The following NBAS variants were observed in gnomAD, a reference collection of about 807,000 sequenced individuals.
NBAS encodes the protein NBAS subunit of NRZ tethering complex.
In NBAS, 219 loss-of-function variants were observed where a neutral mutation model predicts 302.5. That is an observed-to-expected ratio of 0.72 (90% CI 0.65 to 0.81). The LOEUF (loss-of-function observed/expected upper bound fraction) is 0.81, where lower values mean the gene tolerates loss of function less well. Among genes scored for constraint, NBAS ranks in the 30% least tolerant of loss-of-function variants. NBAS has a pLI of 0.00. For synonymous variants in NBAS, 1,118 were observed against 1,021.6 expected (o/e 1.09, Z -1.80); for missense variants, 2,932 against 2,841.6 (o/e 1.03, Z -0.72).
chr2:15,035,609 A>T, the NBAS span, among the ~76,000 whole-genome samples: 2 of 152,192 alleles, frequency 1.3e-5, no homozygotes, highest in Non-Finnish European at 2.9e-5. Flanking sequence ...TCAATGAGAG[A>T]CCGGATAAAG....
the NBAS span, among the ~76,000 whole-genome samples, chr2:15,148,704 G>T: frequency 6.6e-6 from 1 of 152,126 alleles, no homozygotes; most frequent in Non-Finnish European, 1.5e-5. Context: ...TTAAAAAATT[G>T]AGCATTAATT....
At chr2:15,293,878 G>A (rs1407637380) in intron 40 of NBAS, among the ~76,000 whole-genome samples, 3 of 149,094 alleles carry the variant, frequency 2.0e-5, no homozygotes, top group Non-Finnish European at 4.4e-5. Context: ...ATTCTGGCAT[G>A]TGGATTTGAG....
chr2:14,978,971 A>G, the NBAS span, among the ~76,000 whole-genome samples: 8 of 152,132 alleles, frequency 5.3e-5, no homozygotes, highest in Non-Finnish European at 8.8e-5. Context: ...GTTTCACTGG[A>G]GGTGCATGGA....
intron 25 of NBAS, 65 bp downstream of exon 25, chr2:15,415,481 T>G: frequency 7.2e-7 from 1 of 1,397,450 alleles, no homozygotes; most frequent in Non-Finnish European, 1.0e-6. Flanking sequence ...AAAAATTGTA[T>G]AAATAAAACC....
intron 21 of NBAS, 143 bp downstream of exon 21, chr2:15,461,058 T>C (rs1166385938): frequency 1.9e-5 from 15 of 798,584 alleles, no homozygotes; most frequent in Admixed American, 2.8e-5. Flanking sequence ...TCAGGACCAT[T>C]TACAATAACT....
At chr2:15,479,697 C>T (rs371766729) in intron 12 of NBAS, among the ~76,000 whole-genome samples, 1 of 152,164 alleles carries the variant, frequency 6.6e-6, no homozygotes, top group African/African-American at 2.4e-5. Flanking sequence ...TAAGAAGGAG[C>T]ACCACGAATA....
In NBAS at chr2:15,453,167, T is replaced by C. The variant is rs115379795; in HGVS notation, c.2339+8034A>G. On this transcript the variant is annotated intron_variant, in intron 21 of 51. Transcript: ENST00000281513. ...TGGAAAACTTCTGGAGACCCTGAATTTCCTGTTGCACCATCAAGTGGGGCA... is the reference window on the plus strand; with the variant it reads ...TGGAAAACTTCTGGAGACCCTGAATCTCCTGTTGCACCATCAAGTGGGGCA... Among the ~76,000 whole-genome samples, 756 of 152,250 alleles carry C rather than the reference T, an allele frequency of 5.0e-3. 8 individuals are homozygous for C. Among genetic ancestry groups the C allele is most frequent in the African/African-American group, 0.018 (735 of 41,540 alleles).
At chr2:15,536,294 C>T in intron 8 of NBAS, 124 bp downstream of exon 8, 1 of 1,129,954 alleles carries the variant, frequency 8.8e-7, no homozygotes, top group Non-Finnish European at 1.3e-6. Context: ...CTTTCAAATT[C>T]CCTATTATAT....
the NBAS span, among the ~76,000 whole-genome samples, chr2:14,881,911 T>C: frequency 6.6e-6 from 1 of 152,102 alleles, no homozygotes; most frequent in African/African-American, 2.4e-5. Context: ...CCTGCCAAAA[T>C]GTCTTGTGGC....
chr2:15,526,590 T>C (rs991195229), intron 9 of NBAS, among the ~76,000 whole-genome samples: 1 of 151,994 alleles, frequency 6.6e-6, no homozygotes, highest in East Asian at 1.9e-4. Flanking sequence ...ATGGAAAATA[T>C]AAACAACCTA....
At chr2:15,273,507 G>T (rs1000692990) in intron 44 of NBAS, among the ~76,000 whole-genome samples, 2 of 152,190 alleles carry the variant, frequency 1.3e-5, no homozygotes, top group African/African-American at 4.8e-5. Context: ...AAGAGAAAAG[G>T]CCAGGGGATA....
At chr2:15,124,982 G>C in the NBAS span, among the ~76,000 whole-genome samples, 1 of 152,166 alleles carries the variant, frequency 6.6e-6, no homozygotes, top group Admixed American at 6.5e-5. Flanking sequence ...CCGGAGCACT[G>C]CCTAGTGGGG....
chr2:15,195,529 G>A (rs1280712094), intron 48 of NBAS, among the ~76,000 whole-genome samples: 2 of 152,028 alleles, frequency 1.3e-5, no homozygotes, highest in African/African-American at 4.8e-5. Context: ...TGTTAGAGTG[G>A]GTAGCTAGGC....
chr2:15,539,060 T>C (rs1663664406), intron 7 of NBAS, among the ~76,000 whole-genome samples, 163 bp downstream of exon 7: 1 of 152,244 alleles, frequency 6.6e-6, no homozygotes, highest in East Asian at 1.9e-4. Flanking sequence ...GAATAACTAT[T>C]GCATGCATAC....
rs545716944 is a variant in NBAS at position 15,249,925 on chromosome 2, T to A, written c.5725-11239A>T. Among the ~76,000 whole-genome samples, 41 of 152,252 alleles carry A rather than the reference T, an allele frequency of 2.7e-4. No individual in the cohort carries two copies. In the South Asian group the frequency reaches 4.4e-3, roughly 16 times the overall value. ...AGTTTCAATGCTGTCACCATCAAGC[T>A]ACTGTTGACTTTCTTCACAGAAGTG... On this transcript the variant is annotated intron_variant, in intron 44 of 51. Transcript: ENST00000281513.
chr2:15,305,449 G>GCTTTTTTTTTTT (rs766552962), intron 40 of NBAS, among the ~76,000 whole-genome samples: 1 of 123,804 alleles, frequency 8.1e-6, no homozygotes, highest in Non-Finnish European at 1.7e-5. Context: ...GTCTCGAGCA[G>GCTTTTTTTTTTT]TTTTTTTTTT....
chr2:14,982,247 G>A, the NBAS span, among the ~76,000 whole-genome samples: 216 of 152,250 alleles, frequency 1.4e-3, no homozygotes, highest in Middle Eastern at 3.4e-3. Context: ...CGCCATCACT[G>A]TGCAGAACAC....
chr2:15,556,907 T>A (rs1238380907), intron 2 of NBAS, 88 bp from the exon 3 acceptor site: 1 of 1,032,546 alleles, frequency 9.7e-7, no homozygotes, highest in South Asian at 1.3e-5. Flanking sequence ...AAATCTAAAA[T>A]ATACTACAGA....
chr2:15,333,037 G>C (rs1469458343), intron 35 of NBAS, among the ~76,000 whole-genome samples: 3 of 152,180 alleles, frequency 2.0e-5, no homozygotes, highest in Non-Finnish European at 1.5e-5. Context: ...GAGATATAGA[G>C]AAATAATTAC....
Sources: allele counts gnomAD v4.1 joint callset (sites outside exome capture counted in the v4.1 genomes callset), GRCh38; gene constraint gnomAD v4.1.1; transcripts MANE v1.5; gene names NCBI Gene and HGNC (gene_info 2026-07-23, HGNC 2026-07-21).